PARD3B: variants seen among roughly 807,000 people sequenced by gnomAD.
PARD3B encodes partitioning defective 3 homolog B.
In PARD3B, 103 loss-of-function variants were observed where a neutral mutation model predicts 130.2. The observed-to-expected ratio is 0.79, with a 90% CI of 0.67 to 0.93. PARD3B has a LOEUF of 0.93. PARD3B is among the 40% of genes least tolerant of loss of function. The probability of loss-of-function intolerance (pLI) is 0.00; values close to 1 mark genes in which losing one functional copy is unlikely to be tolerated. For missense variants in PARD3B, 1,609 were observed against 1,499.2 expected (o/e 1.07, Z -1.21); for synonymous variants, 583 against 553.2 (o/e 1.05, Z -0.76).
intron 1 of PARD3B, among the ~76,000 whole-genome samples, chr2:204,676,312 G>T (rs1235984342): frequency 6.6e-6 from 1 of 151,802 alleles, no homozygotes; most frequent in Non-Finnish European, 1.5e-5. Flanking sequence ...GAATTTTCAG[G>T]CTACATGGCA....
At chr2:204,704,335 G>T (rs2038035383) in intron 2 of PARD3B, among the ~76,000 whole-genome samples, 1 of 152,168 alleles carries the variant, frequency 6.6e-6, no homozygotes, top group Admixed American at 6.5e-5. Flanking sequence ...TGAAACTGTA[G>T]CTCTTGTTAC....
intron 2 of PARD3B, among the ~76,000 whole-genome samples, chr2:204,825,997 C>G (rs1485731341): frequency 6.6e-6 from 1 of 152,120 alleles, no homozygotes; most frequent in Non-Finnish European, 1.5e-5. Context: ...AGACTCACTC[C>G]CACTGCACGG....
intron 21 of PARD3B, among the ~76,000 whole-genome samples, chr2:205,523,361 G>T (rs180985026): frequency 2.7e-5 from 4 of 150,838 alleles, no homozygotes; most frequent in African/African-American, 9.7e-5. Context: ...TCTTTGCCTC[G>T]GCCTCCTGAG....
intron 14 of PARD3B, among the ~76,000 whole-genome samples, chr2:205,186,285 A>G (rs1486293109): frequency 6.6e-6 from 1 of 152,206 alleles, no homozygotes; most frequent in Non-Finnish European, 1.5e-5. Context: ...AATGGAATCT[A>G]AAAATTAAAG....
intron 2 of PARD3B, among the ~76,000 whole-genome samples, chr2:204,862,325 T>C (rs1460880221): frequency 2.0e-5 from 3 of 152,238 alleles, no homozygotes; most frequent in Non-Finnish European, 2.9e-5. Flanking sequence ...ACCTTCGTTA[T>C]CTCACCTGGA....
intron 4 of PARD3B, among the ~76,000 whole-genome samples, chr2:205,067,747 T>C (rs994579319): frequency 6.6e-6 from 1 of 152,214 alleles, no homozygotes; most frequent in African/African-American, 2.4e-5. Flanking sequence ...TGAAATGCTA[T>C]TTCTGTGTTT....
chr2:204,693,470 C>G (rs1051616518), intron 2 of PARD3B, among the ~76,000 whole-genome samples: 1 of 151,972 alleles, frequency 6.6e-6, no homozygotes, highest in African/African-American at 2.4e-5. Flanking sequence ...TTAGTTTCAT[C>G]ATGGATAAGT....
chr2:205,342,842 A>G (rs2043593459), intron 18 of PARD3B, among the ~76,000 whole-genome samples: 1 of 152,146 alleles, frequency 6.6e-6, no homozygotes, highest in African/African-American at 2.4e-5. Context: ...TTGATTTTAT[A>G]ATGTAAGTCA....
At chr2:205,140,232 T>G (rs541708528) in intron 10 of PARD3B, among the ~76,000 whole-genome samples, 2 of 152,294 alleles carry the variant, frequency 1.3e-5, no homozygotes, top group East Asian at 3.9e-4. Flanking sequence ...AATTTTGTTT[T>G]TCACTTCTCT....
chr2:205,060,515 A>G (rs1425548977), intron 4 of PARD3B, among the ~76,000 whole-genome samples: 1 of 152,120 alleles, frequency 6.6e-6, no homozygotes, highest in African/African-American at 2.4e-5. Context: ...TGACTCATCC[A>G]TTGACTCTTT....
chr2:205,591,708 C>T lies in PARD3B; in HGVS notation c.3261-23748C>T, dbSNP rs1012890474. 6.6e-6 allele frequency among the ~76,000 whole-genome samples: 1 copy of T among 152,100 alleles called. No homozygotes were observed. The highest frequency in any genetic ancestry group is 2.4e-5 in the African/African-American group (1 of 41,408). ...TTGCTGAGCTCAAGGTTGGCTGGAA[C>T]CTAAACACAGACATACAAGGAGGGA... On this transcript the variant is annotated intron_variant, in intron 22 of 22. Coordinates refer to ENST00000406610, the MANE Select transcript of PARD3B (RefSeq NM_001302769.2). The surrounding 1 kb of genome is among the most constrained non-coding windows in gnomAD (Gnocchi z 4.2).
intron 2 of PARD3B, among the ~76,000 whole-genome samples, chr2:204,835,523 C>T (rs1020943073): frequency 6.6e-6 from 1 of 152,106 alleles, no homozygotes; most frequent in East Asian, 1.9e-4. Context: ...TCCCCTGCTC[C>T]GTTTGCCACT....
chr2:204,829,056 A>G (rs982676492), intron 2 of PARD3B, among the ~76,000 whole-genome samples: 4 of 152,182 alleles, frequency 2.6e-5, no homozygotes, highest in Non-Finnish European at 5.9e-5. Flanking sequence ...ATATCATGTA[A>G]CTGTTTCATT....
chr2:205,580,151 T>C (rs1486396655), intron 22 of PARD3B, among the ~76,000 whole-genome samples: 1 of 152,202 alleles, frequency 6.6e-6, no homozygotes, highest in Non-Finnish European at 1.5e-5. Context: ...CTGTGAACTT[T>C]TACCAATTAG....
intron 2 of PARD3B, among the ~76,000 whole-genome samples, chr2:204,960,834 G>A (rs1690685666): frequency 6.6e-6 from 1 of 152,034 alleles, no homozygotes; most frequent in African/African-American, 2.4e-5. Context: ...TGATACACAT[G>A]GTATAAAATA....
chr2:205,620,079 A>G lies in PARD3B; in HGVS notation c.*4266A>G, dbSNP rs537168144. ...AAGATGATCCATTTGTACCACAGAAAACATTTTGGAAGTTGTTATATATGA... is the reference window on the plus strand; with the variant it reads ...AAGATGATCCATTTGTACCACAGAAGACATTTTGGAAGTTGTTATATATGA... On this transcript the variant is annotated 3_prime_UTR_variant, in exon 23 of 23. Coordinates refer to ENST00000406610, the MANE Select transcript of PARD3B (RefSeq NM_001302769.2). 33 of 152,288 alleles carry G rather than the reference A, an allele frequency of 2.2e-4. No individual in the cohort carries two copies. Among genetic ancestry groups the G allele is most frequent in the Admixed American group, 2.0e-3 (30 of 15,294 alleles). The allele number at this position is 152,288 out of a possible 1,614,324, so 9.4% of individuals were successfully genotyped here.
intron 21 of PARD3B, among the ~76,000 whole-genome samples, chr2:205,538,643 C>T (rs1420607639): frequency 6.6e-6 from 1 of 152,158 alleles, no homozygotes; most frequent in Non-Finnish European, 1.5e-5. Context: ...CTTTCTCTCT[C>T]GTCACTCTCT....
intron 3 of PARD3B, among the ~76,000 whole-genome samples, chr2:205,000,780 T>C (rs1189845309): frequency 6.6e-6 from 1 of 152,210 alleles, no homozygotes; most frequent in Non-Finnish European, 1.5e-5. Flanking sequence ...ACATCGTCCC[T>C]ACTTCCATCC....
At chr2:204,959,630 CT>C (rs1169009648) in intron 2 of PARD3B, among the ~76,000 whole-genome samples, 1 of 152,188 alleles carries the variant, frequency 6.6e-6, no homozygotes, top group Admixed American at 6.5e-5. Flanking sequence ...TTCTTGTTGA[CT>C]TTCCTTTTCT....
Sources: allele counts gnomAD v4.1 joint callset (sites outside exome capture counted in the v4.1 genomes callset), GRCh38; gene constraint gnomAD v4.1.1; non-coding constraint Gnocchi (gnomAD v3.1); transcripts MANE v1.5; gene names NCBI Gene and HGNC (gene_info 2026-07-23, HGNC 2026-07-21).